Variants in NEK10 observed in about 807,000 individuals in gnomAD.
The protein encoded by NEK10 is NIMA related kinase 10, also known as serine/threonine-protein kinase Nek10.
NEK10 carries 122 observed loss-of-function variants against 159.8 expected under a neutral mutation model. That is an observed-to-expected ratio of 0.76 (90% CI 0.66 to 0.89). The LOEUF is 0.89. Ranked by LOEUF, NEK10 falls within the 40% of genes least tolerant of loss-of-function variation. The probability of loss-of-function intolerance (pLI) is 0.00; values close to 1 mark genes in which losing one functional copy is unlikely to be tolerated. For missense variants in NEK10, 1,342 were observed against 1,323.1 expected, an observed-to-expected ratio of 1.01 and a Z score of -0.22; for synonymous variants, 466 against 457.1, an observed-to-expected ratio of 1.02 and a Z score of -0.25.
At chr3:27,279,138 T>C (rs1025144903) in intron 22 of NEK10, among the ~76,000 whole-genome samples, 4 of 152,250 alleles carry the variant, frequency 2.6e-5, no homozygotes, top group Non-Finnish European at 5.9e-5. Flanking sequence ...ATGCTTACTA[T>C]AAATAAGTGC....
At chr3:27,221,236 GAACACACTTAC>G (rs1182702146) in intron 23 of NEK10, among the ~76,000 whole-genome samples, 1 of 152,090 alleles carries the variant, frequency 6.6e-6, no homozygotes, top group Non-Finnish European at 1.5e-5. Context: ...ACACATAGAA[GAACACACTTAC>G]AAATCATATA....
chr3:27,315,244 CACAGGGACGAGT>C (rs2045062555), intron 6 of NEK10, among the ~76,000 whole-genome samples: 1 of 152,218 alleles, frequency 6.6e-6, no homozygotes, highest in East Asian at 1.9e-4. Flanking sequence ...CTGGGAAGTG[CACAGGGACGAGT>C]ACATGAGCGT....
Position 27,116,088 on chromosome 3 carries a change from T to C in NEK10, c.3230A>G (p.Tyr1077Cys). ...CAAAAACCTCACCTGCATCTGTTCATATGTTATTCCTTCCTCCAATTCAAT... is the reference window on the plus strand; with the variant it reads ...CAAAAACCTCACCTGCATCTGTTCACATGTTATTCCTTCCTCCAATTCAAT... ...TSIELEEGIT[Y>C]EQMQTVIEEV... The change falls in exon 34 of 36, where the codon TAT (tyrosine) becomes TGT (cysteine). Residue 1077 changes from tyrosine (Y) to cysteine (C), a missense_variant. Physicochemically the swap from Tyr to Cys is radical, Grantham distance 194. Coordinates refer to ENST00000691995, the MANE Select transcript of NEK10 (RefSeq NM_001394966.1). 1.2e-6 allele frequency: 2 copies of C among 1,613,642 alleles called. No individual in the cohort carries two copies. Among genetic ancestry groups the C allele is most frequent in the Non-Finnish European group, 1.7e-6 (2 of 1,179,746 alleles).
At chr3:27,278,690 T>C in intron 22 of NEK10, 1 of 983,490 alleles carries the variant, frequency 1.0e-6, no homozygotes, top group Non-Finnish European at 1.2e-6. Context: ...TTTCTTTTCC[T>C]TTTTTATTTG....
rs1206549080 is a variant in NEK10 at position 27,251,669 on chromosome 3, T to C, written c.2090+4627A>G. Among the ~76,000 whole-genome samples the C allele has an allele frequency of 2.0e-5, 3 of 152,234 alleles. 1 individual carries two copies. The highest frequency in any genetic ancestry group is 7.2e-5 in the African/African-American group (3 of 41,454). On this transcript the variant is annotated intron_variant, in intron 23 of 35. Coordinates refer to ENST00000691995, the MANE Select transcript of NEK10 (RefSeq NM_001394966.1). ...TCTTTTCTTTATAAATTATCCAGTC[T>C]CAGGTATTTCTTTATAGCAATCCAA...
rs1410831811 is a variant in NEK10 at position 27,149,988 on chromosome 3, T to A, written c.2870-8406A>T. On this transcript the variant is annotated intron_variant, in intron 30 of 35. Transcript: ENST00000691995. Reference sequence around the variant, plus strand: ...CCTTATTGCTTATATAGAGAAAGATTTAGAAGATAAAAGATCAAACCTGCC... The same window carrying A: ...CCTTATTGCTTATATAGAGAAAGATATAGAAGATAAAAGATCAAACCTGCC... Among the ~76,000 whole-genome samples, 5 of 152,130 alleles carry A rather than the reference T, an allele frequency of 3.3e-5. No homozygotes were observed. The East Asian group carries it at 9.7e-4, about 29-fold the overall frequency.
chr3:27,362,470 C>T (rs2048758538), intron 1 of NEK10, among the ~76,000 whole-genome samples: 1 of 152,034 alleles, frequency 6.6e-6, no homozygotes, highest in African/African-American at 2.4e-5. Context: ...GAGGAATTGA[C>T]CTGAGATAAT....
intron 31 of NEK10, among the ~76,000 whole-genome samples, chr3:27,138,194 C>T (rs1943417310): frequency 6.6e-6 from 1 of 152,112 alleles, no homozygotes; most frequent in African/African-American, 2.4e-5. Context: ...CTCTGCAGGT[C>T]GCTCCCCAGA....
chr3:27,237,771 C>T (rs994411183), intron 23 of NEK10, among the ~76,000 whole-genome samples: 1 of 152,004 alleles, frequency 6.6e-6, no homozygotes, highest in African/African-American at 2.4e-5. Context: ...AAGAACCTAT[C>T]CATGCATCCC....
chr3:27,111,463 C>T (rs1455374521), intron 35 of NEK10, 143 bp from the exon 36 acceptor site: 1 of 653,364 alleles, frequency 1.5e-6, no homozygotes, highest in Non-Finnish European at 2.5e-6. Flanking sequence ...AGGATGGGGA[C>T]ATTTTTAAAA....
At chr3:27,224,756 G>A (rs564531453) in intron 23 of NEK10, among the ~76,000 whole-genome samples, 2 of 152,104 alleles carry the variant, frequency 1.3e-5, no homozygotes, top group South Asian at 4.2e-4. Context: ...ATGGAACCCG[G>A]GCTAAGATAG....
chr3:27,199,737 A>G (rs1335242326), intron 25 of NEK10, among the ~76,000 whole-genome samples: 1 of 152,252 alleles, frequency 6.6e-6, no homozygotes, highest in Non-Finnish European at 1.5e-5. Context: ...GGCTGGATAA[A>G]GAAAATATGG....
chr3:27,266,523 A>T (rs1166443486), intron 22 of NEK10, among the ~76,000 whole-genome samples: 2 of 152,210 alleles, frequency 1.3e-5, no homozygotes, highest in Non-Finnish European at 2.9e-5. Flanking sequence ...TCTCAAAATT[A>T]ACACACTCAA....
At chr3:27,112,743 C>T (rs763655854) in intron 35 of NEK10, among the ~76,000 whole-genome samples, 3 of 152,096 alleles carry the variant, frequency 2.0e-5, no homozygotes, top group Non-Finnish European at 2.9e-5. Flanking sequence ...CTGAGTTTCC[C>T]AAATATATGT....
At chr3:27,211,602 C>CT (rs1298765430) in intron 23 of NEK10, among the ~76,000 whole-genome samples, 2 of 152,086 alleles carry the variant, frequency 1.3e-5, no homozygotes, top group Non-Finnish European at 2.9e-5. Flanking sequence ...GAGTGGCAGC[C>CT]TACTCTCACC....
intron 30 of NEK10, among the ~76,000 whole-genome samples, chr3:27,151,458 G>A (rs1421849113): frequency 6.6e-6 from 1 of 152,170 alleles, no homozygotes; most frequent in Non-Finnish European, 1.5e-5. Context: ...AAAAGGGTAA[G>A]AGTACTACAT....
chr3:27,182,533 T>C (rs1948225381), intron 26 of NEK10, among the ~76,000 whole-genome samples: 1 of 152,136 alleles, frequency 6.6e-6, no homozygotes, highest in Non-Finnish European at 1.5e-5. Flanking sequence ...ATGAATAGTA[T>C]GGAGTTTCCT....
At chr3:27,365,610 G>GTTTTTTTTTTTTTTT (rs71091129) in intron 1 of NEK10, among the ~76,000 whole-genome samples, 207 of 99,086 alleles carry the variant, frequency 2.1e-3, no homozygotes, top group East Asian at 8.0e-3. Context: ...TTTTTTTTGT[G>GTTTTTTTTTTTTTTT]TTTTTTTTTT....
At chr3:27,115,570 G>C (rs894097931) in intron 35 of NEK10, among the ~76,000 whole-genome samples, 1 of 152,152 alleles carries the variant, frequency 6.6e-6, no homozygotes, top group African/African-American at 2.4e-5. Flanking sequence ...CAAATAGTGG[G>C]TAGATTTAAG....
Sources: gnomAD v4.1 joint callset for allele counts (sites outside exome capture counted in the v4.1 genomes callset) on GRCh38, gnomAD v4.1.1 for gene constraint, MANE v1.5 for transcripts, NCBI Gene and HGNC (gene_info 2026-07-23, HGNC 2026-07-21) for gene names.